Variants in SPAG17 observed in about 807,000 individuals in gnomAD.
SPAG17 encodes sperm associated antigen 17, also known as sperm-associated antigen 17.
A neutral mutation model predicts 273.6 loss-of-function variants in SPAG17; 169 were observed. That is an observed-to-expected ratio of 0.62 (90% CI 0.55 to 0.70). SPAG17 has a LOEUF of 0.70. SPAG17 is among the 30% of genes least tolerant of loss of function. The probability of loss-of-function intolerance (pLI) is 0.00; values close to 1 mark genes in which losing one functional copy is unlikely to be tolerated. For synonymous variants in SPAG17, 825 were observed against 873.2 expected (o/e 0.94, Z 0.97); for missense variants, 2,557 against 2,627.8 (o/e 0.97, Z 0.59).
chr1:118,003,194 C>T (rs180832484), intron 32 of SPAG17, among the ~76,000 whole-genome samples: 40 of 152,344 alleles, frequency 2.6e-4, no homozygotes, highest in African/African-American at 8.9e-4. Context: ...CCAAGAGATC[C>T]ACTGTCAGTC....
chr1:118,101,902 C>T lies in SPAG17; in HGVS notation c.472G>A (p.Glu158Lys). 1 of 1,612,988 alleles carries T rather than the reference C, an allele frequency of 6.2e-7. No individual in the cohort carries two copies. Among genetic ancestry groups the T allele is most frequent in the Non-Finnish European group, 8.5e-7 (1 of 1,179,738 alleles). The change falls in exon 5 of 49, where the codon GAA (glutamate) becomes AAA (lysine). Residue 158 changes from glutamate to lysine, a missense_variant. Transcript: ENST00000336338. ...GATTTTGCTTTCCCTTTATCCTTTT[C>T]TAACTTAGGTTTGTCTTCTATTACC... ...KKVIEDKPKLEKDKGKAKSPK... is the reference protein window; with the variant it reads ...KKVIEDKPKLKKDKGKAKSPK...
chr1:117,961,144 G>C (rs1158052060), intron 48 of SPAG17: 1 of 152,160 alleles, frequency 6.6e-6, no homozygotes, highest in African/African-American at 2.4e-5. Flanking sequence ...CTAGCTGGGC[G>C]TGGTGGCAGG....
intron 3 of SPAG17, among the ~76,000 whole-genome samples, chr1:118,125,582 A>G (rs1218775756): frequency 6.6e-6 from 1 of 152,146 alleles, no homozygotes; most frequent in South Asian, 2.1e-4. Context: ...CTTTACATCT[A>G]TAAGCTCACT....
chr1:118,029,886 A>C (rs1009866220), intron 25 of SPAG17, among the ~76,000 whole-genome samples: 1 of 152,244 alleles, frequency 6.6e-6, no homozygotes, highest in Admixed American at 6.5e-5. Flanking sequence ...ATAAATAATT[A>C]GCTAAAAATA....
intron 32 of SPAG17, among the ~76,000 whole-genome samples, chr1:118,001,240 T>C (rs989555562): frequency 2.0e-5 from 3 of 152,170 alleles, no homozygotes; most frequent in Admixed American, 6.5e-5. Flanking sequence ...TTATTGAAGA[T>C]TTCACATCGA....
In SPAG17 at chr1:118,025,428, A is replaced by AT. The variant is rs1647629929; in HGVS notation, c.3731-13dup. Reference sequence around the variant, plus strand: ...TATAACATATTGACCTAAAAAAAGAATAAAGCCTTCTTGTGAACTGGACAA... The same window carrying AT: ...TATAACATATTGACCTAAAAAAAGAATTAAAGCCTTCTTGTGAACTGGACAA... On this transcript the variant is annotated splice_polypyrimidine_tract_variant and intron_variant, in intron 26 of 48. Transcript: ENST00000336338. 6.6e-7 allele frequency: 1 copy of AT among 1,515,122 alleles called. No homozygotes were observed. Among genetic ancestry groups the AT allele is most frequent in the Non-Finnish European group, 8.8e-7 (1 of 1,133,856 alleles). The allele number at this position is 1,515,122 out of a possible 1,614,324, so 93.9% of individuals were successfully genotyped here. A position where few individuals can be genotyped will look rare whatever the true frequency, so the allele number is the denominator to read the frequency against.
chr1:118,180,892 A>G (rs796413444), intron 1 of SPAG17, among the ~76,000 whole-genome samples: 20 of 152,166 alleles, frequency 1.3e-4, no homozygotes, highest in African/African-American at 4.8e-4. Context: ...CTGATTTGCA[A>G]ATCCACTTTA....
chr1:118,169,421 T>G (rs1343685882), intron 1 of SPAG17, among the ~76,000 whole-genome samples: 1 of 152,198 alleles, frequency 6.6e-6, no homozygotes, highest in Non-Finnish European at 1.5e-5. Flanking sequence ...AAAAGCCAAC[T>G]CAATTCCAGA....
chr1:118,002,312 G>A (rs897925948), intron 32 of SPAG17, among the ~76,000 whole-genome samples: 25 of 152,130 alleles, frequency 1.6e-4, no homozygotes, highest in African/African-American at 3.9e-4. Context: ...GATTTGGGGC[G>A]GAGAGTTCTG....
rs375265788 is a variant in SPAG17 at position 118,116,584 on chromosome 1, T to G, written c.316-1143A>C. On this transcript the variant is annotated intron_variant, in intron 3 of 48. Transcript: ENST00000336338. ...CCTGACCAGTCCAGTTGCTTTTGACTTGTTACTTCGCCAAGGGAAATAGCC... is the reference window on the plus strand; with the variant it reads ...CCTGACCAGTCCAGTTGCTTTTGACGTGTTACTTCGCCAAGGGAAATAGCC... Among the ~76,000 whole-genome samples the G allele has an allele frequency of 1.0e-3, 154 of 152,278 alleles. No homozygotes were observed. In the South Asian group the frequency reaches 0.012, roughly 12 times the overall value.
At chr1:118,107,332 C>T (rs1188974143) in intron 4 of SPAG17, among the ~76,000 whole-genome samples, 3 of 152,144 alleles carry the variant, frequency 2.0e-5, no homozygotes, top group Non-Finnish European at 4.4e-5. Flanking sequence ...GAGCACTCCA[C>T]CCACCTCAGC....
At chr1:117,983,540 A>C (rs925149509) in intron 42 of SPAG17, among the ~76,000 whole-genome samples, 7 of 152,152 alleles carry the variant, frequency 4.6e-5, no homozygotes, top group African/African-American at 1.7e-4. Flanking sequence ...GACCTTATGA[A>C]TGTCTTGTTC....
chr1:118,081,892 A>C (rs1290383815), intron 13 of SPAG17, among the ~76,000 whole-genome samples: 6 of 152,240 alleles, frequency 3.9e-5, no homozygotes, highest in African/African-American at 7.2e-5. Flanking sequence ...TTCATAGCTC[A>C]ATCAATATTA....
intron 1 of SPAG17, among the ~76,000 whole-genome samples, chr1:118,158,467 T>G (rs939556156): frequency 6.6e-6 from 1 of 152,216 alleles, no homozygotes; most frequent in African/African-American, 2.4e-5. Flanking sequence ...AATATGAAAA[T>G]GAATCAGTTG....
intron 38 of SPAG17, among the ~76,000 whole-genome samples, chr1:117,989,547 C>T (rs79144270): frequency 0.052 from 7,894 of 151,982 alleles, 435 homozygotes; most frequent in East Asian, 0.29. Flanking sequence ...TTAGGCCCCT[C>T]CTCCCTCCAA....
intron 3 of SPAG17, among the ~76,000 whole-genome samples, chr1:118,119,124 C>T (rs1246653506): frequency 6.6e-6 from 1 of 152,016 alleles, no homozygotes; most frequent in Non-Finnish European, 1.5e-5. Context: ...TGTGTGTGTG[C>T]ATACATATAT....
chr1:117,979,651 C>T (rs537118446), intron 43 of SPAG17, among the ~76,000 whole-genome samples: 7 of 152,272 alleles, frequency 4.6e-5, no homozygotes, highest in East Asian at 1.9e-4. Flanking sequence ...AATAAAACTG[C>T]GCTGAGAAGT....
At chr1:117,959,289 C>T (rs1465617741) in intron 48 of SPAG17, 2 of 1,610,194 alleles carry the variant, frequency 1.2e-6, no homozygotes, top group Admixed American at 1.7e-5. Context: ...TATTGCACTC[C>T]AGGATGTTAT....
In SPAG17 at chr1:118,154,195, C is replaced by A. The variant is rs146708597; in HGVS notation, c.88-2826G>T. ...CCCCATTTCAAGGGGTCTTAAGAGTCGAGCTCTGTCCCAGTTTCCCATCTA... is the reference window on the plus strand; with the variant it reads ...CCCCATTTCAAGGGGTCTTAAGAGTAGAGCTCTGTCCCAGTTTCCCATCTA... On this transcript the variant is annotated intron_variant, in intron 1 of 48. Coordinates refer to ENST00000336338, the MANE Select transcript of SPAG17 (RefSeq NM_206996.4). Among the ~76,000 whole-genome samples the A allele has an allele frequency of 3.1e-3, 471 of 152,262 alleles. 3 individuals are homozygous for A. The highest frequency in any genetic ancestry group is 3.6e-3 in the Non-Finnish European group (247 of 68,030).
Sources: allele counts gnomAD v4.1 joint callset (sites outside exome capture counted in the v4.1 genomes callset), GRCh38; gene constraint gnomAD v4.1.1; transcripts MANE v1.5; gene names NCBI Gene and HGNC (gene_info 2026-07-23, HGNC 2026-07-21).